Variants in PHF12 observed in about 807,000 individuals in gnomAD.
PHF12 encodes PHD finger protein 12, also known as PHD factor 1.
Under a neutral mutation model 99.8 loss-of-function variants are expected in PHF12, and 6 were observed. That is an observed-to-expected ratio of 0.06 (90% CI 0.03 to 0.12). The LOEUF is 0.12. PHF12 is among the 10% of genes least tolerant of loss of function. PHF12 has a pLI of 1.00. For missense variants in PHF12, 954 were observed against 1,300.1 expected (o/e 0.73, Z 4.09); for synonymous variants, 480 against 514.9 (o/e 0.93, Z 0.92).
intron 7 of PHF12, 29 bp downstream of exon 7, chr17:28,917,256 C>T (rs1567954668): frequency 6.2e-7 from 1 of 1,612,366 alleles, no homozygotes; most frequent in Non-Finnish European, 8.5e-7. Context: ...GGCAGACTAC[C>T]ATCTTGCCTG....
In PHF12 at chr17:28,906,035, T is replaced by C; in HGVS notation, c.*148A>G. ...AAGAAAAAGGATTTTTAAAAAACAG[T>C]CAAAAGGTTTTCTTCATTTCATGCA... is the stretch of plus-strand genomic sequence containing the variant. On this transcript the variant is annotated 3_prime_UTR_variant, in exon 15 of 15. Coordinates refer to ENST00000332830, the MANE Select transcript of PHF12 (RefSeq NM_001033561.2). This position sits in a 1 kb window ranked among gnomAD's most constrained non-coding sequence, Gnocchi z 4.2. 1.3e-6 allele frequency: 1 copy of C among 789,130 alleles called. No individual in the cohort carries two copies. Among genetic ancestry groups the C allele is most frequent in the Non-Finnish European group, 1.9e-6 (1 of 530,056 alleles). The allele number at this position is 789,130 out of a possible 1,614,324, so 48.9% of individuals were successfully genotyped here.
chr17:28,944,779 C>T (rs1014102551), intron 2 of PHF12: 5 of 152,310 alleles, frequency 3.3e-5, no homozygotes, highest in African/African-American at 1.2e-4. Flanking sequence ...AATCATTTTA[C>T]TATTGATGGG....
In PHF12 at chr17:28,912,545, C is replaced by A; in HGVS notation, c.2026G>T (p.Ala676Ser). ...GTTGTGGCCAAGATACCATCTCCTG[C>A]TGCTTGCGGGGGAGTGAGCACCCGG... ...ATRVLTPPQA[A>S]GDGILATTAN... Residue 676 changes from alanine (A) to serine (S), a missense_variant, in exon 9 of 15, where the codon GCA becomes TCA. Physicochemically the swap from Ala to Ser is moderately conservative, Grantham distance 99 (BLOSUM62 1). This residue lies in a region of PHF12 where 392 missense variants were observed against 423.1 expected (regional missense o/e 0.93). Coordinates refer to ENST00000332830, the MANE Select transcript of PHF12 (RefSeq NM_001033561.2). The A allele has an allele frequency of 6.2e-7, 1 of 1,613,420 alleles. No homozygotes were observed. The highest frequency in any genetic ancestry group is 2.2e-5 in the East Asian group (1 of 44,874).
At chr17:28,943,226 T>C (rs189786105) in intron 2 of PHF12, among the ~76,000 whole-genome samples, 54 of 152,308 alleles carry the variant, frequency 3.5e-4, no homozygotes, top group Non-Finnish European at 5.1e-4. Context: ...AGTAAAATAA[T>C]GCAGCTTCTT....
At position 28,907,644 on chromosome 17, in the gene PHF12, G is replaced by T; in HGVS notation, c.2487C>A (p.Asn829Lys). The T allele has an allele frequency of 6.2e-7, 1 of 1,613,956 alleles. No individual in the cohort carries two copies. Among genetic ancestry groups the T allele is most frequent in the Non-Finnish European group, 8.5e-7 (1 of 1,179,896 alleles). The change falls in exon 13 of 15, where the codon AAC (asparagine) becomes AAA (lysine). Residue 829 changes from asparagine to lysine, a missense_variant. By Grantham distance (94) the Asn-to-Lys change is moderately conservative. Transcript: ENST00000332830. Reference protein sequence around the residue: ...TGADMDVCLTNYGHCNYVSGK... With the variant: ...TGADMDVCLTKYGHCNYVSGK... ...CGGACACGTAGTTACAGTGACCATA[G>T]TTTGTAAGGCACACATCCATGTCAG...
chr17:28,912,269 T>G, intron 9 of PHF12: 1 of 1,336,300 alleles, frequency 7.5e-7, no homozygotes. Flanking sequence ...TTTAAGGAAA[T>G]CACTGAAGCT....
chr17:28,937,819 C>T (rs1362921913), intron 2 of PHF12, among the ~76,000 whole-genome samples: 2 of 152,206 alleles, frequency 1.3e-5, no homozygotes, highest in African/African-American at 4.8e-5. Context: ...ATTCTGGCTT[C>T]TCTACAAAGA....
rs2039860327 is a variant in PHF12, at chr17:28,905,676, G to C, written c.*507C>G. The C allele has an allele frequency of 6.5e-6, 1 of 152,870 alleles. No homozygotes were observed. The highest frequency in any genetic ancestry group is 2.4e-5 in the African/African-American group (1 of 41,454). 9.5% of individuals were successfully genotyped at this position (152,870 alleles called of 1,614,324 possible). A position where few individuals can be genotyped will look rare whatever the true frequency, so the allele number is the denominator to read the frequency against. On this transcript the variant is annotated 3_prime_UTR_variant, in exon 15 of 15. Coordinates refer to ENST00000332830, the MANE Select transcript of PHF12 (RefSeq NM_001033561.2). ...CGCTGCAGAAAGGGAAAATAACGTG[G>C]AGGGTGGGAACCATGGAAGGAAGGT...
At position 28,913,254 on chromosome 17, in the gene PHF12, G is replaced by C; in HGVS notation, c.1317C>G (p.Leu439=). 6.2e-7 allele frequency: 1 copy of C among 1,612,516 alleles called. No homozygotes were observed. The change falls in exon 9 of 15, where the codon CTC becomes CTG. Residue 439 remains leucine (L), a synonymous_variant. Coordinates refer to ENST00000332830, the MANE Select transcript of PHF12 (RefSeq NM_001033561.2). ...QQEWLCSVVA[L]QCSILKHLSA... ...ATAAATGTTTCAATATGCTGCACTG[G>C]AGCGCAACAACACTACAGAGCCACT...
intron 4 of PHF12, 117 bp from the exon 5 acceptor site, chr17:28,921,925 T>A (rs958926526): frequency 7.2e-7 from 1 of 1,395,340 alleles, no homozygotes; most frequent in South Asian, 1.4e-5. Context: ...GGCCTAAGCA[T>A]GAATTGCTCT....
intron 2 of PHF12, chr17:28,929,918 G>A (rs887054821): frequency 6.6e-6 from 1 of 152,196 alleles, no homozygotes; most frequent in Non-Finnish European, 1.5e-5. Context: ...TACAGACTCT[G>A]CTATGCTTCA....
chr17:28,906,294 C>G lies in PHF12; in HGVS notation c.2904G>C (p.Ala968=). Residue 968 remains alanine, a synonymous_variant, in exon 15 of 15, where the codon GCG becomes GCC. Transcript: ENST00000332830. The surrounding 1 kb of genome is among the most constrained non-coding windows in gnomAD (Gnocchi z 4.2). ...TGGCATCGCCTTTGGGCTGTTTGGT[C>G]GCAAACTCAGTGATGCTGAAGACAA... ...LQFVFSITEF[A]TKQPKGDASL... 6.2e-7 allele frequency: 1 copy of G among 1,614,184 alleles called. No homozygotes were observed. The highest frequency in any genetic ancestry group is 8.5e-7 in the Non-Finnish European group (1 of 1,180,022).
At chr17:28,910,628 G>A (rs2039943639) in intron 10 of PHF12, 2 of 535,128 alleles carry the variant, frequency 3.7e-6, no homozygotes, top group Admixed American at 3.5e-5. Flanking sequence ...AGTGCCCCTA[G>A]AAAGGCAGAG....
intron 7 of PHF12, among the ~76,000 whole-genome samples, chr17:28,915,040 G>A (rs1038404334): frequency 6.6e-6 from 1 of 152,212 alleles, no homozygotes; most frequent in Non-Finnish European, 1.5e-5. Context: ...GGTTCTAGAA[G>A]AGAAGCATGT....
intron 2 of PHF12, among the ~76,000 whole-genome samples, chr17:28,940,006 C>T (rs1270282137): frequency 6.6e-6 from 1 of 152,226 alleles, no homozygotes; most frequent in Non-Finnish European, 1.5e-5. Flanking sequence ...TGCTCCCTGC[C>T]CTGCTGTTAC....
intron 2 of PHF12, among the ~76,000 whole-genome samples, chr17:28,939,561 C>CA (rs930849015): frequency 6.6e-6 from 1 of 152,212 alleles, no homozygotes; most frequent in African/African-American, 2.4e-5. Flanking sequence ...AACGAGCACT[C>CA]AGCTGATCAC....
In PHF12 at chr17:28,910,313, T is replaced by C; in HGVS notation, c.2272A>G (p.Ile758Val). The change falls in exon 11 of 15, where the codon ATA becomes GTA. Residue 758 changes from isoleucine (I) to valine (V), a missense_variant. Transcript: ENST00000332830. ...ACCCGGGAGGGGAAAAGCTGATGTA[T>C]TCTCTGCAAGGCCAGAAACTTGATC... ...KLIKFLALQRIHQLFPSRVQP... is the reference protein window; with the variant it reads ...KLIKFLALQRVHQLFPSRVQP... 1 of 1,614,182 alleles carries C rather than the reference T, an allele frequency of 6.2e-7. No individual in the cohort carries two copies. Among genetic ancestry groups the C allele is most frequent in the Non-Finnish European group, 8.5e-7 (1 of 1,180,034 alleles).
chr17:28,910,675 T>C, intron 10 of PHF12: 1 of 439,696 alleles, frequency 2.3e-6, no homozygotes, highest in Non-Finnish European at 4.0e-6. Flanking sequence ...GGGGAGGGCC[T>C]GGATGTCTGA....
At chr17:28,908,713 T>C in intron 12 of PHF12, 70 bp downstream of exon 12, 1 of 1,487,592 alleles carries the variant, frequency 6.7e-7, no homozygotes, top group Non-Finnish European at 9.3e-7. Context: ...TTCTAACTTC[T>C]GTGGGTAAGG....
Sources: gnomAD v4.1 joint callset for allele counts (sites outside exome capture counted in the v4.1 genomes callset) on GRCh38, gnomAD v4.1.1 for gene constraint, gnomAD v4.1.1 regional missense constraint, Gnocchi (gnomAD v3.1) non-coding constraint, MANE v1.5 for transcripts, NCBI Gene and HGNC (gene_info 2026-07-23, HGNC 2026-07-21) for gene names.